Variants in UBLCP1 observed in about 807,000 individuals in gnomAD.
UBLCP1 encodes the protein ubiquitin-like domain-containing CTD phosphatase 1.
In UBLCP1, 28 loss-of-function variants were observed where a neutral mutation model predicts 42.4. That is an observed-to-expected ratio of 0.66 (90% CI 0.49 to 0.90). The LOEUF (loss-of-function observed/expected upper bound fraction) is 0.90, where lower values mean the gene tolerates loss of function less well. UBLCP1 is among the 40% of genes least tolerant of loss of function. The pLI, the probability that UBLCP1 is intolerant of heterozygous loss-of-function variation, is 0.00. For missense variants in UBLCP1, 279 were observed against 374.5 expected, an observed-to-expected ratio of 0.75 and a Z score of 2.10; for synonymous variants, 122 against 120.8, an observed-to-expected ratio of 1.01 and a Z score of -0.07.
chr5:159,279,031 GT>G (rs1339650822), intron 9 of UBLCP1, among the ~76,000 whole-genome samples: 1 of 152,150 alleles, frequency 6.6e-6, no homozygotes, highest in East Asian at 1.9e-4. Context: ...AGGGTACTTT[GT>G]TTTTTCTTTT....
intron 8 of UBLCP1, 72 bp downstream of exon 8, chr5:159,275,318 A>G: frequency 7.2e-6 from 8 of 1,108,954 alleles, no homozygotes; most frequent in South Asian, 1.3e-5. Context: ...GTTTATACCT[A>G]TGGAGTAAAT....
chr5:159,269,885 A>G, intron 2 of UBLCP1, 23 bp from the exon 3 acceptor site: 1 of 1,595,090 alleles, frequency 6.3e-7, no homozygotes, highest in Non-Finnish European at 8.6e-7. Context: ...TAGTGAGAAA[A>G]CAGTCATTTG....
chr5:159,268,597 G>A (rs1329752119), intron 1 of UBLCP1, among the ~76,000 whole-genome samples: 1 of 152,218 alleles, frequency 6.6e-6, no homozygotes, highest in Non-Finnish European at 1.5e-5. Context: ...AATAGAACAG[G>A]AGGAATGGTA....
chr5:159,284,479 A>G (rs1562102506), intron 10 of UBLCP1, among the ~76,000 whole-genome samples: 1 of 152,208 alleles, frequency 6.6e-6, no homozygotes, highest in Non-Finnish European at 1.5e-5. Flanking sequence ...TGTAACAAAA[A>G]TAAGATCTTT....
At chr5:159,281,075 C>T (rs1040944577) in intron 9 of UBLCP1, among the ~76,000 whole-genome samples, 2 of 152,190 alleles carry the variant, frequency 1.3e-5, no homozygotes, top group African/African-American at 4.8e-5. Flanking sequence ...CATAGATTTT[C>T]ACCCTTAATT....
intron 1 of UBLCP1, among the ~76,000 whole-genome samples, chr5:159,266,740 GTA>G (rs1753398862): frequency 6.6e-6 from 1 of 152,192 alleles, no homozygotes; most frequent in Non-Finnish European, 1.5e-5. Context: ...TTGGTGCCCT[GTA>G]TCCCAGCCAC....
intron 6 of UBLCP1, among the ~76,000 whole-genome samples, chr5:159,273,700 A>G (rs560321773): frequency 1.3e-5 from 2 of 152,180 alleles, no homozygotes; most frequent in Admixed American, 1.3e-4. Flanking sequence ...TTCATTGGAG[A>G]TACAATAGTC....
rs1584737815 is a variant in UBLCP1, at chr5:159,269,297, G to T, written c.154+228G>T. Among the ~76,000 whole-genome samples the T allele has an allele frequency of 3.3e-5, 5 of 152,248 alleles. No individual in the cohort carries two copies. The South Asian group carries it at 1.0e-3, about 32-fold the overall frequency. On this transcript the variant is annotated intron_variant, in intron 2 of 10. Transcript: ENST00000296786. ...TACCATGATTATTAAGATTACTTTT[G>T]ATGTTTTAGACAGTCAGTATTTGCT... is the stretch of plus-strand genomic sequence containing the variant.
intron 9 of UBLCP1, among the ~76,000 whole-genome samples, chr5:159,278,735 G>A (rs1753569881): frequency 6.6e-6 from 1 of 152,002 alleles, no homozygotes; most frequent in Admixed American, 6.6e-5. Context: ...ACCACACCCA[G>A]CTAATTTTTG....
At chr5:159,280,584 G>A (rs1285404343) in intron 9 of UBLCP1, among the ~76,000 whole-genome samples, 2 of 152,186 alleles carry the variant, frequency 1.3e-5, no homozygotes, top group Non-Finnish European at 2.9e-5. Flanking sequence ...TTACAGGCAT[G>A]AGCCACTGCG....
chr5:159,270,691 CT>C (rs1343559147), intron 5 of UBLCP1, 48 bp downstream of exon 5: 6 of 1,164,164 alleles, frequency 5.2e-6, no homozygotes, highest in East Asian at 2.7e-5. Context: ...CACAACAACT[CT>C]TTTTTTCTTT....
intron 7 of UBLCP1, among the ~76,000 whole-genome samples, 185 bp downstream of exon 7, chr5:159,274,807 CTTTT>C (rs1414272239): frequency 6.6e-6 from 1 of 152,060 alleles, no homozygotes; most frequent in Non-Finnish European, 1.5e-5. Flanking sequence ...ATCCCTAAGT[CTTTT>C]TTAAGAAAAA....
At chr5:159,280,518 G>A (rs1468815888) in intron 9 of UBLCP1, among the ~76,000 whole-genome samples, 1 of 152,166 alleles carries the variant, frequency 6.6e-6, no homozygotes, top group African/African-American at 2.4e-5. Flanking sequence ...GCCTAGGCTG[G>A]TCTCGAGGTC....
At chr5:159,277,904 A>T (rs182726562) in intron 8 of UBLCP1, among the ~76,000 whole-genome samples, 20 of 152,356 alleles carry the variant, frequency 1.3e-4, no homozygotes, top group Admixed American at 1.3e-3. Context: ...CAAGGAAGTC[A>T]TGTGACTGCA....
At chr5:159,270,986 A>G (rs201600365) in intron 5 of UBLCP1, among the ~76,000 whole-genome samples, 6 of 141,716 alleles carry the variant, frequency 4.2e-5, no homozygotes, top group East Asian at 2.1e-4. Context: ...GTGTGTGTGT[A>G]TATATATTTT....
chr5:159,275,029 G>A (rs1376454158), intron 7 of UBLCP1, 119 bp from the exon 8 acceptor site: 3 of 785,016 alleles, frequency 3.8e-6, no homozygotes, highest in Non-Finnish European at 6.4e-6. Flanking sequence ...TGTTTAGCAA[G>A]ATGTAGTGGC....
intron 1 of UBLCP1, among the ~76,000 whole-genome samples, chr5:159,265,339 T>C (rs1753377196): frequency 6.6e-6 from 1 of 152,230 alleles, no homozygotes; most frequent in Non-Finnish European, 1.5e-5. Flanking sequence ...GTGAAAGCAT[T>C]GGAAATACCA....
rs200366181 is a variant in UBLCP1, at chr5:159,285,241, CACAAA to C, written c.*311_*315del. 4,389 of 205,462 alleles carry C rather than the reference CACAAA, an allele frequency of 0.021. 212 individuals carry two copies. Among genetic ancestry groups the C allele is most frequent in the African/African-American group, 0.034 (1,102 of 32,666 alleles). The allele number at this position is 205,462 out of a possible 1,614,324, so 12.7% of individuals were successfully genotyped here. On this transcript the variant is annotated 3_prime_UTR_variant, in exon 11 of 11. Transcript: ENST00000296786. ...ACACACACACACACACACACACACA[CACAAA>C]GTGGAGAAAAATGTATACTCAACAA... is the stretch of plus-strand genomic sequence containing the variant.
intron 10 of UBLCP1, among the ~76,000 whole-genome samples, chr5:159,284,267 G>C (rs992218535): frequency 6.6e-6 from 1 of 152,022 alleles, no homozygotes; most frequent in African/African-American, 2.4e-5. Context: ...ACATGTCCAA[G>C]TTTGCTGATT....
Sources: allele counts gnomAD v4.1 joint callset (sites outside exome capture counted in the v4.1 genomes callset), GRCh38; gene constraint gnomAD v4.1.1; transcripts MANE v1.5; gene names NCBI Gene and HGNC (gene_info 2026-07-23, HGNC 2026-07-21).